The following CRK variants were observed in gnomAD, a reference collection of about 807,000 sequenced individuals.
CRK encodes adapter molecule crk.
CRK carries 4 observed loss-of-function variants against 29.8 expected under a neutral mutation model. The observed-to-expected ratio is 0.13, with a 90% CI of 0.07 to 0.31. The LOEUF is 0.31. CRK is among the 10% of genes least tolerant of loss of function. The probability of loss-of-function intolerance (pLI) is 1.00; values close to 1 mark genes in which losing one functional copy is unlikely to be tolerated. For missense variants in CRK, 274 were observed against 396.5 expected, an observed-to-expected ratio of 0.69 and a Z score of 2.62; for synonymous variants, 153 against 164.9, an observed-to-expected ratio of 0.93 and a Z score of 0.55.
At chr17:1,451,169 G>A (rs1328333019) in intron 1 of CRK, among the ~76,000 whole-genome samples, 7 of 115,930 alleles carry the variant, frequency 6.0e-5, no homozygotes, top group African/African-American at 2.4e-4. Context: ...CTCCAGCCTC[G>A]GTGACAGAGC....
At chr17:1,452,922 CGT>C (rs1183976054) in intron 1 of CRK, among the ~76,000 whole-genome samples, 1 of 152,002 alleles carries the variant, frequency 6.6e-6, no homozygotes, top group Admixed American at 6.6e-5. Flanking sequence ...TGGACAATAC[CGT>C]GAGACCCCTC....
chr17:1,436,636 G>A lies in CRK; in HGVS notation c.761C>T (p.Thr254Ile). The A allele has an allele frequency of 6.2e-7, 1 of 1,606,314 alleles. No individual in the cohort carries two copies. Among genetic ancestry groups the A allele is most frequent in the Non-Finnish European group, 8.5e-7 (1 of 1,177,390 alleles). Reference sequence around the variant, plus strand: ...GTTATGTACCTCCAAAGCCAAGGCTGTCTTGTCGTAGGCATTGGGGACTCG... The same window carrying A: ...GTTATGTACCTCCAAAGCCAAGGCTATCTTGTCGTAGGCATTGGGGACTCG... Reference protein sequence around the residue: ...QKRVPNAYDKTALALEVGELV... With the variant: ...QKRVPNAYDKIALALEVGELV... The change falls in exon 2 of 3, where the codon ACA (threonine) becomes ATA (isoleucine). Residue 254 changes from threonine (T) to isoleucine (I), a missense_variant. Around this residue, in one of 3 missense-constraint regions of CRK, gnomAD observed 121 missense variants for 154.3 expected, o/e 0.78. Transcript: ENST00000300574.
At chr17:1,438,180 A>AAT (rs2073903643) in intron 1 of CRK, among the ~76,000 whole-genome samples, 5 of 152,074 alleles carry the variant, frequency 3.3e-5, no homozygotes, top group Non-Finnish European at 7.4e-5. Context: ...CTCAAGCTGG[A>AAT]GTGCAGTGGC....
chr17:1,443,830 G>A (rs1345771961), intron 1 of CRK, among the ~76,000 whole-genome samples: 1 of 151,532 alleles, frequency 6.6e-6, no homozygotes, highest in African/African-American at 2.4e-5. Flanking sequence ...CTCCCAAGTA[G>A]CTGGGATTAT....
rs201558881 is a variant in CRK, at chr17:1,442,975, CCTTT to C, written c.242-5824_242-5821del. Among the ~76,000 whole-genome samples, 871 of 110,500 alleles carry C rather than the reference CCTTT, an allele frequency of 7.9e-3. 6 individuals are homozygous for C. Among genetic ancestry groups the C allele is most frequent in the African/African-American group, 0.022 (722 of 32,898 alleles). 72.5% of individuals were successfully genotyped at this position (110,500 alleles called of 152,430 possible). On this transcript the variant is annotated intron_variant, in intron 1 of 2. Transcript: ENST00000300574. ...CGCAAACTCAGCTCACAGCAACCTCCCTTTCTTTCTTTTTTTTTTTTGAGACGGA... is the reference window on the plus strand; with the variant it reads ...CGCAAACTCAGCTCACAGCAACCTCCCTTTCTTTTTTTTTTTTGAGACGGA...
chr17:1,455,735 G>A (rs897829505), intron 1 of CRK, 142 bp downstream of exon 1: 22 of 1,234,078 alleles, frequency 1.8e-5, no homozygotes, highest in African/African-American at 4.8e-5. Context: ...GAGCGAGCCC[G>A]AGCAGCCGGC....
At chr17:1,449,133 C>T (rs187489269) in intron 1 of CRK, among the ~76,000 whole-genome samples, 175 of 152,268 alleles carry the variant, frequency 1.1e-3, no homozygotes, top group African/African-American at 3.6e-3. Context: ...TTCTGTCCCA[C>T]GCCTTCAAAA....
intron 2 of CRK, among the ~76,000 whole-genome samples, chr17:1,434,792 C>CAA (rs376877954): frequency 0.24 from 30,505 of 124,594 alleles, 3,898 homozygotes; most frequent in African/African-American, 0.29. Flanking sequence ...CAAAAAGAAC[C>CAA]AAAAAAAAAA....
At chr17:1,450,330 AAC>A (rs1410350068) in intron 1 of CRK, among the ~76,000 whole-genome samples, 9 of 151,968 alleles carry the variant, frequency 5.9e-5, no homozygotes, top group Non-Finnish European at 1.3e-4. Flanking sequence ...AACACGGTGA[AAC>A]ACCTCTCTAC....
At chr17:1,443,562 A>AT (rs1367800833) in intron 1 of CRK, among the ~76,000 whole-genome samples, 75 of 142,068 alleles carry the variant, frequency 5.3e-4, no homozygotes, top group Middle Eastern at 4.4e-3. Flanking sequence ...CGCCCGGCTA[A>AT]TTTTTTTTTG....
At chr17:1,452,575 T>A (rs888552907) in intron 1 of CRK, among the ~76,000 whole-genome samples, 2 of 151,458 alleles carry the variant, frequency 1.3e-5, no homozygotes, top group African/African-American at 4.9e-5. Context: ...ATGATCAGAG[T>A]TCAGCAGTTC....
intron 2 of CRK, among the ~76,000 whole-genome samples, chr17:1,433,829 T>C (rs1234083627): frequency 6.6e-5 from 3 of 45,318 alleles, no homozygotes; most frequent in Non-Finnish European, 1.1e-4. Context: ...TGTATGGTTT[T>C]TTTTTTTTTT....
chr17:1,447,478 C>A (rs1251995309), intron 1 of CRK, among the ~76,000 whole-genome samples: 1 of 152,074 alleles, frequency 6.6e-6, no homozygotes, highest in Non-Finnish European at 1.5e-5. Context: ...TTTTACAAGG[C>A]CACTCCCTCC....
chr17:1,437,414 T>C (rs765166114), intron 1 of CRK, among the ~76,000 whole-genome samples: 30 of 151,882 alleles, frequency 2.0e-4, no homozygotes, highest in Non-Finnish European at 4.4e-4. Context: ...CAAAAAAAAC[T>C]CTAGAAAAAA....
At chr17:1,432,969 G>A (rs111562958) in intron 2 of CRK, among the ~76,000 whole-genome samples, 64 of 152,170 alleles carry the variant, frequency 4.2e-4, no homozygotes, top group Non-Finnish European at 7.1e-4. Flanking sequence ...GCAAGTCCCG[G>A]CTGTATCATG....
chr17:1,427,864 A>AC (rs2073796503), intron 2 of CRK, among the ~76,000 whole-genome samples: 1 of 151,708 alleles, frequency 6.6e-6, no homozygotes. Flanking sequence ...CGAACTCCTG[A>AC]CCTCATGACC....
chr17:1,427,804 T>A (rs186177573), intron 2 of CRK, among the ~76,000 whole-genome samples: 5 of 151,004 alleles, frequency 3.3e-5, no homozygotes, highest in Non-Finnish European at 7.4e-5. Context: ...CAGTACTTTT[T>A]TCGTATTTTT....
At chr17:1,430,391 C>T (rs1431971309) in intron 2 of CRK, among the ~76,000 whole-genome samples, 9 of 140,176 alleles carry the variant, frequency 6.4e-5, no homozygotes, top group Non-Finnish European at 1.4e-4. Context: ...GAGTCTCGCT[C>T]TGTCGCCCAG....
chr17:1,428,995 G>A lies in CRK; in HGVS notation c.778-5345C>T, dbSNP rs1374260753. On this transcript the variant is annotated intron_variant, in intron 2 of 2. Coordinates refer to ENST00000300574, the MANE Select transcript of CRK (RefSeq NM_016823.4). ...TGAGTAGCTGGGATTACTGGCGCAC[G>A]CCACCACGTCCGGCTAATTTTTTCG... is the stretch of plus-strand genomic sequence containing the variant. 9.2e-5 allele frequency among the ~76,000 whole-genome samples: 14 copies of A among 151,670 alleles called. 1 individual carries two copies. Among genetic ancestry groups the A allele is most frequent in the Admixed American group, 7.9e-4 (12 of 15,202 alleles).
Sources: allele counts gnomAD v4.1 joint callset (sites outside exome capture counted in the v4.1 genomes callset), GRCh38; gene constraint gnomAD v4.1.1; regional missense constraint gnomAD v4.1.1; transcripts MANE v1.5; gene names NCBI Gene and HGNC (gene_info 2026-07-23, HGNC 2026-07-21).